MAF: variants seen among roughly 807,000 people sequenced by gnomAD.
MAF encodes transcription factor Maf.
Under a neutral mutation model 22.0 loss-of-function variants are expected in MAF, and 10 were observed. The observed-to-expected ratio is 0.45, with a 90% confidence interval of 0.28 to 0.77. The LOEUF (loss-of-function observed/expected upper bound fraction) is 0.77, where lower values mean the gene tolerates loss of function less well. Among genes scored for constraint, MAF ranks in the 30% least tolerant of loss-of-function variants. The pLI, the probability that MAF is intolerant of heterozygous loss-of-function variation, is 0.12. For missense variants in MAF, 544 were observed against 548.4 expected, an observed-to-expected ratio of 0.99 and a Z score of 0.08; for synonymous variants, 337 against 255.8, an observed-to-expected ratio of 1.32 and a Z score of -3.03.
At chr16:79,355,075 T>G in the MAF span, among the ~76,000 whole-genome samples, 1 of 152,150 alleles carries the variant, frequency 6.6e-6, no homozygotes, top group Admixed American at 6.5e-5. Context: ...TAAGATTAGT[T>G]TTTCCCCCTC....
At chr16:79,569,049 G>A in the MAF span, among the ~76,000 whole-genome samples, 1 of 152,202 alleles carries the variant, frequency 6.6e-6, no homozygotes, top group Admixed American at 6.5e-5. Context: ...TCCTGCCTAA[G>A]TCCCTGCAGG....
the MAF span, among the ~76,000 whole-genome samples, chr16:79,393,620 C>G: frequency 2.6e-5 from 4 of 152,236 alleles, no homozygotes; most frequent in South Asian, 8.3e-4. Flanking sequence ...AGCAAGGTTC[C>G]TTCTCTCCAT....
chr16:79,545,484 G>A, the MAF span, among the ~76,000 whole-genome samples: 1 of 150,740 alleles, frequency 6.6e-6, no homozygotes, highest in Non-Finnish European at 1.5e-5. Context: ...TGCCTATGAA[G>A]ATGGACCCCA....
the MAF span, among the ~76,000 whole-genome samples, chr16:79,342,470 AG>A: frequency 2.6e-5 from 4 of 152,122 alleles, no homozygotes; most frequent in African/African-American, 9.7e-5. Flanking sequence ...TTCTTTTATC[AG>A]ATTTGTAAGG....
At chr16:79,407,283 G>C in the MAF span, among the ~76,000 whole-genome samples, 4 of 152,118 alleles carry the variant, frequency 2.6e-5, no homozygotes, top group South Asian at 4.1e-4. Flanking sequence ...GGGGCCTCTT[G>C]GCTAGCTCTG....
chr16:79,315,293 A>T, the MAF span, among the ~76,000 whole-genome samples: 1 of 152,212 alleles, frequency 6.6e-6, no homozygotes, highest in African/African-American at 2.4e-5. Flanking sequence ...AAATGAAGCC[A>T]GTTAGGGGAC....
chr16:79,536,462 G>A, the MAF span, among the ~76,000 whole-genome samples: 1 of 152,156 alleles, frequency 6.6e-6, no homozygotes, highest in Non-Finnish European at 1.5e-5. Context: ...GGCTAATATG[G>A]TGAAACCCCA....
chr16:79,564,364 A>C, the MAF span, among the ~76,000 whole-genome samples: 1 of 152,196 alleles, frequency 6.6e-6, no homozygotes, highest in African/African-American at 2.4e-5. Context: ...AATTATGGGG[A>C]AGAAAAGTGA....
the MAF span, among the ~76,000 whole-genome samples, chr16:79,479,583 C>T: frequency 6.6e-6 from 1 of 152,206 alleles, no homozygotes; most frequent in African/African-American, 2.4e-5. Flanking sequence ...CTTCGTCCCC[C>T]TCTCTAGAGC....
At chr16:79,316,563 C>T in the MAF span, among the ~76,000 whole-genome samples, 36 of 152,182 alleles carry the variant, frequency 2.4e-4, 1 homozygote, top group African/African-American at 8.7e-4. Flanking sequence ...TTTCAGCATG[C>T]AATTAACCCA....
the MAF span, among the ~76,000 whole-genome samples, chr16:79,331,625 G>A: frequency 6.6e-6 from 1 of 152,220 alleles, no homozygotes; most frequent in African/African-American, 2.4e-5. Flanking sequence ...TGTTTCCTCT[G>A]GGCTCCATAC....
the MAF span, among the ~76,000 whole-genome samples, chr16:79,264,960 T>C: frequency 6.6e-6 from 1 of 152,144 alleles, no homozygotes; most frequent in Non-Finnish European, 1.5e-5. Flanking sequence ...AGGGAAGCTG[T>C]GGGAACCAGA....
chr16:79,325,964 C>T, the MAF span, among the ~76,000 whole-genome samples: 3 of 152,282 alleles, frequency 2.0e-5, no homozygotes, highest in Admixed American at 6.5e-5. Flanking sequence ...TAACATTGAA[C>T]AAGGAGAGGC....
At chr16:79,245,327 G>C in the MAF span, among the ~76,000 whole-genome samples, 2 of 151,878 alleles carry the variant, frequency 1.3e-5, no homozygotes, top group Non-Finnish European at 1.5e-5. Context: ...ATCTGACAAA[G>C]GGCTAATACC....
the MAF span, among the ~76,000 whole-genome samples, chr16:79,424,377 G>C: frequency 7.9e-5 from 12 of 152,112 alleles, no homozygotes; most frequent in Non-Finnish European, 1.5e-4. Flanking sequence ...AGCTAAGTTT[G>C]GGTTTCTTTC....
chr16:79,420,538 C>G, the MAF span, among the ~76,000 whole-genome samples: 1 of 151,956 alleles, frequency 6.6e-6, no homozygotes, highest in Non-Finnish European at 1.5e-5. Flanking sequence ...ATCACTGCTG[C>G]CCCCCTCCCC....
At chr16:79,211,791 G>A in the MAF span, 161 of 1,614,050 alleles carry the variant, frequency 1.0e-4, 1 homozygote, top group African/African-American at 8.5e-4. Flanking sequence ...CAGCCAGTCC[G>A]GCTAAGTGGA....
At chr16:79,294,438 A>C in the MAF span, among the ~76,000 whole-genome samples, 1 of 152,152 alleles carries the variant, frequency 6.6e-6, no homozygotes, top group East Asian at 1.9e-4. Flanking sequence ...AGTGTGGGCT[A>C]CCTTGGGTCA....
chr16:79,483,485 G>A, the MAF span, among the ~76,000 whole-genome samples: 5 of 151,214 alleles, frequency 3.3e-5, no homozygotes, highest in African/African-American at 1.2e-4. Context: ...AGGCCCGGAG[G>A]GGAAGCAATG....
Sources: gnomAD v4.1 joint callset for allele counts (sites outside exome capture counted in the v4.1 genomes callset) on GRCh38, gnomAD v4.1.1 for gene constraint, MANE v1.5 for transcripts, NCBI Gene and HGNC (gene_info 2026-07-23, HGNC 2026-07-21) for gene names.